SGCE: variants seen among roughly 807,000 people sequenced by gnomAD.
SGCE encodes the protein sarcoglycan epsilon.
Under a neutral mutation model 57.8 loss-of-function variants are expected in SGCE, and 26 were observed. That is an observed-to-expected ratio of 0.45 (90% CI 0.33 to 0.62). SGCE has a LOEUF of 0.62. SGCE is among the 20% of genes least tolerant of loss of function. The pLI is 0.02. For missense variants in SGCE, 468 were observed against 548.6 expected (o/e 0.85, Z 1.47); for synonymous variants, 183 against 189.5 (o/e 0.97, Z 0.28).
At position 94,642,780 on chromosome 7, in the gene SGCE, A is replaced by G. The variant is rs979401651; in HGVS notation, c.110-12939T>C. The stretch of plus-strand genomic sequence containing the variant: ...AACAGGTGGCCAAATTCTTCTCTAC[A>G]ATGTTCCAAAGAACAATGTATTTGT... On this transcript the variant is annotated intron_variant, in intron 1 of 10. Coordinates refer to ENST00000648936, the MANE Select transcript of SGCE (RefSeq NM_003919.3). 3.9e-5 allele frequency among the ~76,000 whole-genome samples: 6 copies of G among 152,212 alleles called. No individual in the cohort carries two copies. The South Asian group carries it at 1.0e-3, about 26-fold the overall frequency.
At chr7:94,649,071 C>T (rs574302821) in intron 1 of SGCE, among the ~76,000 whole-genome samples, 18 of 152,316 alleles carry the variant, frequency 1.2e-4, no homozygotes, top group South Asian at 8.3e-4. Flanking sequence ...GTACATGTCA[C>T]AACAGATACC....
intron 9 of SGCE, among the ~76,000 whole-genome samples, chr7:94,594,244 T>C (rs1462637383): frequency 2.0e-5 from 3 of 152,166 alleles, no homozygotes; most frequent in East Asian, 3.8e-4. Context: ...AAAGTCAATT[T>C]ACTTTTAAGA....
intron 5 of SGCE, among the ~76,000 whole-genome samples, chr7:94,608,976 GA>G (rs1424176877): frequency 6.6e-6 from 1 of 152,168 alleles, no homozygotes; most frequent in Non-Finnish European, 1.5e-5. Context: ...GAAGATAATA[GA>G]GGAGAAAATC....
intron 4 of SGCE, chr7:94,620,453 G>A (rs376654962): frequency 1.2e-4 from 18 of 152,042 alleles, no homozygotes; most frequent in South Asian, 6.2e-4. Flanking sequence ...AATAAATTTC[G>A]TTTTATAGAC....
intron 4 of SGCE, 65 bp downstream of exon 4, chr7:94,623,260 T>G: frequency 1.0e-6 from 1 of 966,120 alleles, no homozygotes; most frequent in Non-Finnish European, 1.6e-6. Context: ...ATATTTTATG[T>G]AGTTATAAAA....
chr7:94,633,886 A>G (rs1805126146), intron 1 of SGCE, among the ~76,000 whole-genome samples: 1 of 152,232 alleles, frequency 6.6e-6, no homozygotes. Context: ...GCACAGGCAC[A>G]CACACAGCCC....
At chr7:94,631,658 G>A (rs1036871732) in intron 1 of SGCE, among the ~76,000 whole-genome samples, 11 of 151,978 alleles carry the variant, frequency 7.2e-5, no homozygotes, top group South Asian at 4.1e-4. Context: ...GGGGCCTTTC[G>A]GGGAAGGGAA....
intron 1 of SGCE, among the ~76,000 whole-genome samples, chr7:94,649,101 A>G (rs1167070734): frequency 2.0e-5 from 3 of 152,260 alleles, no homozygotes; most frequent in East Asian, 3.8e-4. Flanking sequence ...CCCGTGGTAC[A>G]GGATGCCAAA....
Position 94,623,645 on chromosome 7 carries a change from A to AG in SGCE, c.391-249dup, listed in dbSNP as rs1803200654. The AG allele has an allele frequency of 8.1e-6, 4 of 494,294 alleles. No homozygotes were observed. In the South Asian group the frequency reaches 1.6e-4, roughly 20 times the overall value. The allele number at this position is 494,294 out of a possible 1,614,324, so 30.6% of individuals were successfully genotyped here. A position where few individuals can be genotyped will look rare whatever the true frequency, so the allele number is the denominator to read the frequency against. ...GTTAAAATCAGAAAGACTCTTTCAT[A>AG]GAAGGCCATTAAGCACTGGTAGCAA... On this transcript the variant is annotated intron_variant, in intron 3 of 10. Coordinates refer to ENST00000648936, the MANE Select transcript of SGCE (RefSeq NM_003919.3).
In SGCE at chr7:94,623,990, A is replaced by G. The variant is rs957839614; in HGVS notation, c.391-593T>C. On this transcript the variant is annotated intron_variant, in intron 3 of 10. Transcript: ENST00000648936. ...CACAAATCAATCCCTTCATACGGGC[A>G]AATATTAGTAAACATTTGCAGAGCC... 4 of 388,308 alleles carry G rather than the reference A, an allele frequency of 1.0e-5. No homozygotes were observed. The South Asian group carries it at 5.8e-4, about 56-fold the overall frequency. 24.1% of individuals were successfully genotyped at this position (388,308 alleles called of 1,614,324 possible). A position where few individuals can be genotyped will look rare whatever the true frequency, so the allele number is the denominator to read the frequency against.
chr7:94,623,751 T>C (rs1803214955), intron 3 of SGCE: 2 of 394,418 alleles, frequency 5.1e-6, no homozygotes, highest in Non-Finnish European at 8.9e-6. Flanking sequence ...AAAAAAACAA[T>C]AATTTTTGTA....
At chr7:94,625,212 TATATG>T (rs1357306177) in intron 3 of SGCE, 4 of 151,946 alleles carry the variant, frequency 2.6e-5, no homozygotes, top group Admixed American at 1.3e-4. Flanking sequence ...TTAGTAGACT[TATATG>T]ATTAAATATT....
chr7:94,624,716 A>C (rs1803414897), intron 3 of SGCE: 1 of 152,376 alleles, frequency 6.6e-6, no homozygotes, highest in African/African-American at 2.4e-5. Flanking sequence ...CATTTTCAAT[A>C]AAAAGTATGA....
At chr7:94,642,141 C>T (rs925131116) in intron 1 of SGCE, among the ~76,000 whole-genome samples, 1 of 151,942 alleles carries the variant, frequency 6.6e-6, no homozygotes, top group Non-Finnish European at 1.5e-5. Context: ...AATCAAAATC[C>T]ACAGCACCCC....
chr7:94,598,897 A>G lies in SGCE; in HGVS notation c.1131T>C (p.Asn377=). The G allele has an allele frequency of 1.2e-6, 2 of 1,613,820 alleles. No individual in the cohort carries two copies. The highest frequency in any genetic ancestry group is 2.2e-5 in the South Asian group (2 of 91,076). The change falls in exon 9 of 11, where the codon AAT becomes AAC. Residue 377 remains asparagine, a synonymous_variant. Coordinates refer to ENST00000648936, the MANE Select transcript of SGCE (RefSeq NM_003919.3). ...TTGACAGGGGCCATGCTATCTCTCT[A>G]TTCTTGGACATGTCTCGAAGCTCCT... ...STKELRDMSK[N]REIAWPLSTL...
intron 1 of SGCE, among the ~76,000 whole-genome samples, chr7:94,648,609 C>T (rs766290257): frequency 3.3e-4 from 50 of 152,140 alleles, no homozygotes; most frequent in South Asian, 8.3e-4. Context: ...TCTGTTTCTA[C>T]TTCGGCAGTA....
chr7:94,616,560 A>T (rs992081856), intron 5 of SGCE, among the ~76,000 whole-genome samples: 1 of 152,210 alleles, frequency 6.6e-6, no homozygotes, highest in Non-Finnish European at 1.5e-5. Flanking sequence ...TTTCAAAAGA[A>T]TATACAAAGG....
chr7:94,622,080 C>T (rs1461583610), intron 4 of SGCE: 4 of 152,128 alleles, frequency 2.6e-5, no homozygotes, highest in Admixed American at 1.3e-4. Context: ...TTCCTTCTTT[C>T]ATATCGTGTA....
intron 9 of SGCE, among the ~76,000 whole-genome samples, chr7:94,593,049 C>CT (rs1797916482): frequency 6.6e-6 from 1 of 152,030 alleles, no homozygotes. Flanking sequence ...CTGATATTAA[C>CT]TTTTATTAAA....
Sources: allele counts gnomAD v4.1 joint callset (sites outside exome capture counted in the v4.1 genomes callset), GRCh38; gene constraint gnomAD v4.1.1; transcripts MANE v1.5; gene names NCBI Gene and HGNC (gene_info 2026-07-23, HGNC 2026-07-21).